SPAG16: variants seen among roughly 807,000 people sequenced by gnomAD.
SPAG16 encodes sperm-associated antigen 16 protein.
SPAG16 carries 86 observed loss-of-function variants against 80.4 expected under a neutral mutation model. The observed-to-expected ratio is 1.07, with a 90% CI of 0.90 to 1.28. The LOEUF (loss-of-function observed/expected upper bound fraction) is 1.28, where lower values mean the gene tolerates loss of function less well. Ranked by LOEUF, SPAG16 falls within the 50% of genes most tolerant of loss-of-function variation. The probability of loss-of-function intolerance (pLI) is 0.00; values close to 1 mark genes in which losing one functional copy is unlikely to be tolerated. For missense variants in SPAG16, 870 were observed against 765.3 expected (o/e 1.14, Z -1.61); for synonymous variants, 294 against 265.9 (o/e 1.11, Z -1.03).
intron 15 of SPAG16, among the ~76,000 whole-genome samples, chr2:214,199,969 G>C (rs2057961735): frequency 6.6e-6 from 1 of 152,126 alleles, no homozygotes; most frequent in Admixed American, 6.6e-5. Flanking sequence ...AGACTTTACA[G>C]AATTCGCTGA....
At chr2:213,598,502 A>G (rs532832770) in intron 10 of SPAG16, among the ~76,000 whole-genome samples, 18 of 152,324 alleles carry the variant, frequency 1.2e-4, no homozygotes, top group African/African-American at 2.2e-4. Context: ...CTAAACATTG[A>G]TGATCACTGG....
At chr2:214,158,291 G>T (rs1023443003) in intron 15 of SPAG16, among the ~76,000 whole-genome samples, 1 of 151,870 alleles carries the variant, frequency 6.6e-6, no homozygotes, top group African/African-American at 2.4e-5. Flanking sequence ...TTTTAAACTT[G>T]AAAATAAAAC....
intron 10 of SPAG16, among the ~76,000 whole-genome samples, chr2:213,628,949 A>G (rs1296336149): frequency 1.3e-5 from 2 of 152,186 alleles, no homozygotes; most frequent in East Asian, 1.9e-4. Flanking sequence ...AGATATATAT[A>G]GCACTGAACC....
chr2:213,615,538 C>G (rs1403993904), intron 10 of SPAG16, among the ~76,000 whole-genome samples: 2 of 152,122 alleles, frequency 1.3e-5, no homozygotes, highest in African/African-American at 4.8e-5. Context: ...TTGCAGCGAG[C>G]TGAGATCATG....
intron 10 of SPAG16, among the ~76,000 whole-genome samples, chr2:213,708,071 G>A (rs958456127): frequency 2.3e-4 from 35 of 151,942 alleles, no homozygotes; most frequent in Non-Finnish European, 3.4e-4. Flanking sequence ...ACAATACTAT[G>A]GTTAAAATAG....
intron 15 of SPAG16, among the ~76,000 whole-genome samples, chr2:214,394,690 G>A (rs2126133396): frequency 6.6e-6 from 1 of 152,214 alleles, no homozygotes; most frequent in East Asian, 1.9e-4. Flanking sequence ...AAAATCCCCT[G>A]CCAGAGTGGC....
chr2:214,284,423 G>T (rs969122841), intron 15 of SPAG16, among the ~76,000 whole-genome samples: 4 of 151,982 alleles, frequency 2.6e-5, no homozygotes, highest in African/African-American at 7.2e-5. Context: ...TCTCCTTTTG[G>T]TTATTGATTC....
chr2:213,518,051 A>G (rs768509006), intron 10 of SPAG16, among the ~76,000 whole-genome samples: 1 of 152,232 alleles, frequency 6.6e-6, no homozygotes, highest in Non-Finnish European at 1.5e-5. Flanking sequence ...TTCACAAACT[A>G]TGCATCTGGC....
chr2:213,944,552 A>G (rs2079358241), intron 12 of SPAG16, among the ~76,000 whole-genome samples: 1 of 152,200 alleles, frequency 6.6e-6, no homozygotes, highest in South Asian at 2.1e-4. Context: ...AGATTCAACC[A>G]TATATAATTT....
intron 9 of SPAG16, among the ~76,000 whole-genome samples, chr2:213,431,785 C>A (rs1485229013): frequency 1.3e-5 from 2 of 152,100 alleles, no homozygotes; most frequent in African/African-American, 4.8e-5. Context: ...TACTCAACAA[C>A]CTCAAAATAT....
chr2:213,650,322 A>G (rs2062975227), intron 10 of SPAG16, among the ~76,000 whole-genome samples: 1 of 152,202 alleles, frequency 6.6e-6, no homozygotes, highest in Admixed American at 6.5e-5. Context: ...AAACAAAGCC[A>G]TACTCCTGCC....
At chr2:213,958,131 A>G (rs528127517) in intron 12 of SPAG16, among the ~76,000 whole-genome samples, 1 of 152,148 alleles carries the variant, frequency 6.6e-6, no homozygotes, top group African/African-American at 2.4e-5. Flanking sequence ...AGAGAGCAAA[A>G]TACCTGTGAG....
At chr2:213,396,699 C>T (rs1193430178) in intron 9 of SPAG16, 1 of 452,398 alleles carries the variant, frequency 2.2e-6, no homozygotes, top group Non-Finnish European at 4.4e-6. Flanking sequence ...CTAAGACTGC[C>T]CATCTTCAGG....
chr2:213,303,366 T>G (rs1249852063), intron 3 of SPAG16, among the ~76,000 whole-genome samples: 1 of 152,022 alleles, frequency 6.6e-6, no homozygotes, highest in Non-Finnish European at 1.5e-5. Context: ...TAAATGGGGT[T>G]CTATCAACTC....
intron 14 of SPAG16, among the ~76,000 whole-genome samples, chr2:214,110,091 A>T (rs1364138887): frequency 6.6e-6 from 1 of 152,202 alleles, no homozygotes; most frequent in Non-Finnish European, 1.5e-5. Flanking sequence ...CATATTTCAA[A>T]GGGCAAGATA....
intron 15 of SPAG16, among the ~76,000 whole-genome samples, chr2:214,331,776 G>GTCTC (rs1219827257): frequency 1.3e-5 from 2 of 152,198 alleles, no homozygotes; most frequent in East Asian, 3.8e-4. Flanking sequence ...TGTGAAGAAG[G>GTCTC]TCTCTAGGTC....
chr2:213,439,182 T>C (rs1222501767), intron 9 of SPAG16, among the ~76,000 whole-genome samples: 1 of 152,222 alleles, frequency 6.6e-6, no homozygotes, highest in Non-Finnish European at 1.5e-5. Context: ...ATTTGTGTTA[T>C]TTTAAACCAA....
intron 10 of SPAG16, among the ~76,000 whole-genome samples, chr2:213,792,999 T>G (rs1423221536): frequency 1.3e-5 from 2 of 151,826 alleles, no homozygotes; most frequent in African/African-American, 2.4e-5. Flanking sequence ...TGATCTCACC[T>G]CACTGCAATC....
intron 15 of SPAG16, among the ~76,000 whole-genome samples, chr2:214,184,581 G>T (rs1390512655): frequency 1.3e-5 from 2 of 151,998 alleles, no homozygotes; most frequent in Non-Finnish European, 2.9e-5. Flanking sequence ...TATTACCTGT[G>T]CATTACTTAA....
Sources: allele counts gnomAD v4.1 joint callset (sites outside exome capture counted in the v4.1 genomes callset), GRCh38; gene constraint gnomAD v4.1.1; transcripts MANE v1.5; gene names NCBI Gene and HGNC (gene_info 2026-07-23, HGNC 2026-07-21).